Variants in FAR2 observed in about 807,000 individuals in gnomAD.
FAR2 encodes the protein epididymis secretory protein Li 81.
FAR2 carries 19 observed loss-of-function variants against 56.0 expected under a neutral mutation model. The ratio of observed to expected loss-of-function variants is 0.34; its 90% CI spans 0.24 to 0.50. FAR2 has a LOEUF of 0.50. Ranked by LOEUF, FAR2 falls within the 20% of genes least tolerant of loss-of-function variation. The pLI is 0.98. For synonymous variants in FAR2, 219 were observed against 218.8 expected, an observed-to-expected ratio of 1.00 and a Z score of -0.01; for missense variants, 508 against 642.2, an observed-to-expected ratio of 0.79 and a Z score of 2.26.
At chr12:29,245,833 T>G (rs2136670122) in intron 1 of FAR2, among the ~76,000 whole-genome samples, 1 of 152,254 alleles carries the variant, frequency 6.6e-6, no homozygotes, top group Admixed American at 6.5e-5. Flanking sequence ...CACATCGGAC[T>G]TTCTCATCTC....
chr12:29,252,213 C>T (rs1348732968), intron 1 of FAR2, among the ~76,000 whole-genome samples: 2 of 152,062 alleles, frequency 1.3e-5, no homozygotes, highest in East Asian at 1.9e-4. Context: ...TACAGGAGAT[C>T]CTTTAGGGTG....
chr12:29,218,878 G>C (rs1407570678), intron 1 of FAR2, among the ~76,000 whole-genome samples: 1 of 147,608 alleles, frequency 6.8e-6, no homozygotes, highest in African/African-American at 2.5e-5. Context: ...TTCCGTGTTA[G>C]AATTTTATTT....
At chr12:29,206,783 A>G (rs1947481304) in intron 1 of FAR2, among the ~76,000 whole-genome samples, 1 of 152,200 alleles carries the variant, frequency 6.6e-6, no homozygotes, top group African/African-American at 2.4e-5. Flanking sequence ...GGCTTGGTGG[A>G]GAGAGACACA....
chr12:29,327,721 A>G (rs1252145490), intron 10 of FAR2, among the ~76,000 whole-genome samples: 1 of 152,230 alleles, frequency 6.6e-6, no homozygotes, highest in Non-Finnish European at 1.5e-5. Context: ...CTGAAACTGG[A>G]TCCCTTCCTT....
intron 2 of FAR2, among the ~76,000 whole-genome samples, chr12:29,271,783 A>G (rs1328500953): frequency 1.3e-5 from 2 of 152,208 alleles, no homozygotes; most frequent in Admixed American, 1.3e-4. Flanking sequence ...CTACTATCCA[A>G]AGGTCTTTTC....
At chr12:29,172,668 G>A (rs1949899198) in intron 1 of FAR2, among the ~76,000 whole-genome samples, 1 of 152,180 alleles carries the variant, frequency 6.6e-6, no homozygotes, top group Non-Finnish European at 1.5e-5. Context: ...AGCTGATTGG[G>A]TAATAAACTT....
chr12:29,242,804 T>C (rs530122892), intron 1 of FAR2, among the ~76,000 whole-genome samples: 1 of 152,326 alleles, frequency 6.6e-6, no homozygotes, highest in African/African-American at 2.4e-5. Flanking sequence ...TACTAGTTAA[T>C]AGGATAACTT....
intron 1 of FAR2, among the ~76,000 whole-genome samples, chr12:29,246,987 T>G (rs1328784218): frequency 4.6e-5 from 7 of 152,102 alleles, no homozygotes; most frequent in Non-Finnish European, 1.0e-4. Context: ...TAATTCATAA[T>G]ATTTCATAAT....
chr12:29,233,140 C>G (rs1318246160), intron 1 of FAR2, among the ~76,000 whole-genome samples: 1 of 152,118 alleles, frequency 6.6e-6, no homozygotes, highest in East Asian at 1.9e-4. Flanking sequence ...TTCTCCTAAA[C>G]CATTTTCTTA....
At chr12:29,327,793 T>C (rs537551495) in intron 10 of FAR2, among the ~76,000 whole-genome samples, 1 of 152,060 alleles carries the variant, frequency 6.6e-6, no homozygotes, top group Non-Finnish European at 1.5e-5. Context: ...CCTAAAACCA[T>C]AAAAACCCTA....
At chr12:29,153,762 A>G (rs1949699735) in intron 1 of FAR2, among the ~76,000 whole-genome samples, 1 of 152,076 alleles carries the variant, frequency 6.6e-6, no homozygotes, top group African/African-American at 2.4e-5. Context: ...GTGTGTTTTG[A>G]GAGTTGGATT....
intron 2 of FAR2, among the ~76,000 whole-genome samples, chr12:29,285,064 A>C (rs929139786): frequency 6.6e-6 from 1 of 151,860 alleles, no homozygotes; most frequent in South Asian, 2.1e-4. Context: ...GATGGTCTCG[A>C]TCTCCTGACC....
intron 1 of FAR2, among the ~76,000 whole-genome samples, chr12:29,202,028 A>AT (rs949094335): frequency 6.6e-6 from 1 of 152,138 alleles, no homozygotes; most frequent in South Asian, 2.1e-4. Context: ...CACATAGAGG[A>AT]TTTTTTTGTG....
chr12:29,292,443 A>G (rs1419067003), intron 2 of FAR2: 1 of 152,244 alleles, frequency 6.6e-6, no homozygotes, highest in Non-Finnish European at 1.5e-5. Flanking sequence ...TTACCCAAAA[A>G]TATTCAACAT....
chr12:29,208,460 CCTTT>C (rs1455357203), intron 1 of FAR2, among the ~76,000 whole-genome samples: 1 of 152,214 alleles, frequency 6.6e-6, no homozygotes, highest in African/African-American at 2.4e-5. Flanking sequence ...TACCGTGTAA[CCTTT>C]CTTAAGGTGT....
intron 10 of FAR2, chr12:29,331,654 T>A (rs1178595643): frequency 1.3e-5 from 2 of 152,116 alleles, no homozygotes; most frequent in African/African-American, 4.8e-5. Context: ...ATTAGGCCCT[T>A]TATATGGAGA....
intron 9 of FAR2, among the ~76,000 whole-genome samples, chr12:29,321,165 G>A (rs976140214): frequency 1.3e-5 from 2 of 151,040 alleles, no homozygotes; most frequent in African/African-American, 2.4e-5. Context: ...CAACACTTCT[G>A]CCCAAAAGTT....
At chr12:29,185,136 T>C (rs1436396370) in intron 1 of FAR2, among the ~76,000 whole-genome samples, 1 of 152,248 alleles carries the variant, frequency 6.6e-6, no homozygotes, top group Admixed American at 6.5e-5. Flanking sequence ...TGCCCTATTC[T>C]AATTTTATTT....
chr12:29,322,016 G>A lies in FAR2; in HGVS notation c.1257+92G>A, dbSNP rs1043706100. On this transcript the variant is annotated intron_variant, in intron 10 of 11. Transcript: ENST00000536681. ...TGGAAAGCTGATGAATGAATAAGAC[G>A]TTTGGTTATAGACACAGATTTTGTT... 4.4e-5 allele frequency: 62 copies of A among 1,419,784 alleles called. No homozygotes were observed. The Admixed American group carries it at 7.7e-4, about 18-fold the overall frequency. 87.9% of individuals were successfully genotyped at this position (1,419,784 alleles called of 1,614,324 possible). A position where few individuals can be genotyped will look rare whatever the true frequency, so the allele number is the denominator to read the frequency against.
Sources: gnomAD v4.1 joint callset for allele counts (sites outside exome capture counted in the v4.1 genomes callset) on GRCh38, gnomAD v4.1.1 for gene constraint, MANE v1.5 for transcripts, NCBI Gene and HGNC (gene_info 2026-07-23, HGNC 2026-07-21) for gene names.